SPAG17: variants seen among roughly 807,000 people sequenced by gnomAD.
SPAG17 encodes the protein sperm-associated antigen 17.
A neutral mutation model predicts 273.6 loss-of-function variants in SPAG17; 169 were observed. The observed-to-expected ratio is 0.62, with a 90% CI of 0.55 to 0.70. The LOEUF (loss-of-function observed/expected upper bound fraction) is 0.70, where lower values mean the gene tolerates loss of function less well. Ranked by LOEUF, SPAG17 falls within the 30% of genes least tolerant of loss-of-function variation. The pLI, the probability that SPAG17 is intolerant of heterozygous loss-of-function variation, is 0.00. For missense variants in SPAG17, 2,557 were observed against 2,627.8 expected, an observed-to-expected ratio of 0.97 and a Z score of 0.59; for synonymous variants, 825 against 873.2, an observed-to-expected ratio of 0.94 and a Z score of 0.97.
At chr1:117,977,286 A>G (rs1655245871) in intron 43 of SPAG17, among the ~76,000 whole-genome samples, 1 of 152,148 alleles carries the variant, frequency 6.6e-6, no homozygotes, top group South Asian at 2.1e-4. Flanking sequence ...GTGCCACTGC[A>G]CTCTAGCCTG....
chr1:117,987,999 G>T, intron 39 of SPAG17, 106 bp downstream of exon 39: 1 of 1,427,184 alleles, frequency 7.0e-7, no homozygotes, highest in Non-Finnish European at 9.6e-7. Context: ...ATGAAGGGCT[G>T]TGAATTCATT....
intron 30 of SPAG17, among the ~76,000 whole-genome samples, chr1:118,008,455 G>A (rs541108531): frequency 2.8e-3 from 422 of 152,092 alleles, no homozygotes; most frequent in Non-Finnish European, 4.8e-3. Flanking sequence ...TTATTTGCAG[G>A]AGTTGAGAAC....
chr1:118,167,550 A>G (rs561509028), intron 1 of SPAG17, among the ~76,000 whole-genome samples: 1 of 152,314 alleles, frequency 6.6e-6, no homozygotes, highest in Admixed American at 6.5e-5. Context: ...TTACATTTAT[A>G]TACTATGTGT....
chr1:117,958,532 C>T (rs1179509308), intron 48 of SPAG17, among the ~76,000 whole-genome samples: 1 of 152,070 alleles, frequency 6.6e-6, no homozygotes, highest in Non-Finnish European at 1.5e-5. Flanking sequence ...CTCTTTTTTG[C>T]TGTGGCTTTA....
chr1:118,145,636 A>C (rs1177482366), intron 3 of SPAG17, among the ~76,000 whole-genome samples: 1 of 152,118 alleles, frequency 6.6e-6, no homozygotes, highest in East Asian at 1.9e-4. Context: ...GCCCGTAGAA[A>C]TATTTTAAGA....
chr1:118,135,689 G>A (rs550945216), intron 3 of SPAG17, among the ~76,000 whole-genome samples: 2 of 152,296 alleles, frequency 1.3e-5, no homozygotes, highest in Non-Finnish European at 2.9e-5. Flanking sequence ...GGAATGCTAT[G>A]AGTAAACTTG....
At chr1:118,075,492 G>T (rs1189322522) in intron 15 of SPAG17, among the ~76,000 whole-genome samples, 2 of 152,208 alleles carry the variant, frequency 1.3e-5, no homozygotes, top group African/African-American at 4.8e-5. Flanking sequence ...CTTAGAATTT[G>T]TAATTTGCTC....
In SPAG17 at chr1:118,025,353, C is replaced by G. The variant is rs1647616865; in HGVS notation, c.3794G>C (p.Arg1265Thr). 6.2e-7 allele frequency: 1 copy of G among 1,612,734 alleles called. No individual in the cohort carries two copies. The highest frequency in any genetic ancestry group is 2.2e-5 in the East Asian group (1 of 44,850). ...DIMVRQSYPQRVKHYEFYKTV... is the reference protein window; with the variant it reads ...DIMVRQSYPQTVKHYEFYKTV... ...TTTATAGAACTCATAGTGCTTCACCCTCTGGGGGTAGCTCTGACGGACCAT... is the reference window on the plus strand; with the variant it reads ...TTTATAGAACTCATAGTGCTTCACCGTCTGGGGGTAGCTCTGACGGACCAT... The change falls in exon 27 of 49, where the codon AGG (arginine) becomes ACG (threonine). Residue 1265 changes from arginine to threonine, a missense_variant. Physicochemically the swap from Arg to Thr is moderately conservative, Grantham distance 71. Transcript: ENST00000336338.
intron 3 of SPAG17, 155 bp downstream of exon 3, chr1:118,150,386 ATT>A: frequency 2.4e-6 from 1 of 418,416 alleles, no homozygotes. Context: ...AAGGAGGCAG[ATT>A]TTTTTTGTGT....
intron 18 of SPAG17, among the ~76,000 whole-genome samples, chr1:118,061,750 A>C (rs1652322300): frequency 6.6e-6 from 1 of 152,188 alleles, no homozygotes. Context: ...AAGATGTGTA[A>C]ATTAAATGTA....
In SPAG17 at chr1:118,073,844, C is replaced by A. The variant is rs751879777; in HGVS notation, c.2385+10G>T. The A allele has an allele frequency of 6.4e-7, 1 of 1,562,174 alleles. No individual in the cohort carries two copies. Among genetic ancestry groups the A allele is most frequent in the South Asian group, 1.2e-5 (1 of 84,274 alleles). ...TGACCGTCTCCTAGAGAATCACAGT[C>A]CATAAATACCTGAAGCAGTACTTTC... is the stretch of plus-strand genomic sequence containing the variant. On this transcript the variant is annotated intron_variant, in intron 17 of 48. Coordinates refer to ENST00000336338, the MANE Select transcript of SPAG17 (RefSeq NM_206996.4).
In SPAG17 at chr1:117,970,183, G is replaced by A. The variant is rs190902205; in HGVS notation, c.6327-67C>T. 11,389 of 1,486,292 alleles carry A rather than the reference G, an allele frequency of 7.7e-3. 74 individuals carry two copies. The highest frequency in any genetic ancestry group is 9.3e-3 in the Non-Finnish European group (10,091 of 1,084,424). The allele number at this position is 1,486,292 out of a possible 1,614,324, so 92.1% of individuals were successfully genotyped here. ...AACCCATGAGCAATGAATAAGCTGGGATGTTATAAAATAAGGAAGGTGTTA... is the reference window on the plus strand; with the variant it reads ...AACCCATGAGCAATGAATAAGCTGGAATGTTATAAAATAAGGAAGGTGTTA... On this transcript the variant is annotated intron_variant, in intron 45 of 48. Transcript: ENST00000336338.
At chr1:118,062,077 T>C (rs1328532929) in intron 18 of SPAG17, among the ~76,000 whole-genome samples, 1 of 151,756 alleles carries the variant, frequency 6.6e-6, no homozygotes, top group Non-Finnish European at 1.5e-5. Context: ...GATATAATAT[T>C]AAAGAAAAGG....
At chr1:117,970,173 A>T in intron 45 of SPAG17, 57 bp from the exon 46 acceptor site, 1 of 1,527,904 alleles carries the variant, frequency 6.5e-7, no homozygotes, top group Non-Finnish European at 9.0e-7. Flanking sequence ...ATGAGCAATG[A>T]ATAAGCTGGG....
chr1:118,090,107 T>C (rs547359588), intron 10 of SPAG17, among the ~76,000 whole-genome samples: 3 of 152,318 alleles, frequency 2.0e-5, no homozygotes, highest in Admixed American at 6.5e-5. Flanking sequence ...AATGGACTAA[T>C]ACAATGGGGG....
intron 43 of SPAG17, among the ~76,000 whole-genome samples, chr1:117,979,925 C>T (rs1359736113): frequency 2.6e-5 from 4 of 152,186 alleles, no homozygotes; most frequent in Admixed American, 2.6e-4. Context: ...AGTCACTGTC[C>T]ATACATTGTA....
At chr1:118,037,354 T>C (rs1327961847) in intron 23 of SPAG17, among the ~76,000 whole-genome samples, 1 of 152,178 alleles carries the variant, frequency 6.6e-6, no homozygotes, top group African/African-American at 2.4e-5. Flanking sequence ...TTTTTTTCTT[T>C]TCTCAATTTT....
intron 5 of SPAG17, among the ~76,000 whole-genome samples, chr1:118,100,312 A>G (rs1655982011): frequency 6.6e-6 from 1 of 152,220 alleles, no homozygotes; most frequent in African/African-American, 2.4e-5. Context: ...TTATGTAGTA[A>G]CTATGTATTT....
In SPAG17 at chr1:118,042,056, T is replaced by G. The variant is rs755120969; in HGVS notation, c.2815-14A>C. On this transcript the variant is annotated splice_polypyrimidine_tract_variant and intron_variant, in intron 20 of 48. Transcript: ENST00000336338. ...TTCTTTCCATGCCTGTAAACACATT[T>G]AAGAAATTTAACAGGATTTTTAAAC... The G allele has an allele frequency of 2.5e-6, 4 of 1,592,888 alleles. No individual in the cohort carries two copies. The East Asian group carries it at 8.9e-5, about 36-fold the overall frequency.
Sources: allele counts gnomAD v4.1 joint callset (sites outside exome capture counted in the v4.1 genomes callset), GRCh38; gene constraint gnomAD v4.1.1; transcripts MANE v1.5; gene names NCBI Gene and HGNC (gene_info 2026-07-23, HGNC 2026-07-21).